Variants in TET3 observed in about 807,000 individuals in gnomAD.
TET3 encodes the protein tet methylcytosine dioxygenase 3, also known as methylcytosine dioxygenase TET3.
In TET3, 19 loss-of-function variants were observed where a neutral mutation model predicts 141.4. The observed-to-expected ratio is 0.13, with a 90% CI of 0.09 to 0.20. The LOEUF is 0.20. TET3 is among the 10% of genes least tolerant of loss of function. TET3 has a pLI of 1.00. For synonymous variants in TET3, 1,043 were observed against 980.9 expected, an observed-to-expected ratio of 1.06 and a Z score of -1.18; for missense variants, 1,874 against 2,356.9, an observed-to-expected ratio of 0.80 and a Z score of 4.24.
Position 74,101,554 on chromosome 2 carries a change from G to T in TET3, c.4766G>T (p.Ser1589Ile). The change falls in exon 12 of 12, where the codon AGC (serine) becomes ATC (isoleucine). Residue 1589 changes from serine (S) to isoleucine (I), a missense_variant. Ser to Ile is a moderately radical substitution (Grantham distance 142). Coordinates refer to ENST00000409262, the MANE Select transcript of TET3 (RefSeq NM_001287491.2). This position sits in a 1 kb window ranked among gnomAD's most constrained non-coding sequence, Gnocchi z 8.5. Reference sequence around the variant, plus strand: ...TCCTTTGGTCTGCCCCTGGGATCCAGCGAGAAGCTGTTTGGGGCTCTGAAG... The same window carrying T: ...TCCTTTGGTCTGCCCCTGGGATCCATCGAGAAGCTGTTTGGGGCTCTGAAG... ...WQSFGLPLGS[S>I]EKLFGALKSE... 1 of 1,609,306 alleles carries T rather than the reference G, an allele frequency of 6.2e-7. No homozygotes were observed. The highest frequency in any genetic ancestry group is 8.5e-7 in the Non-Finnish European group (1 of 1,177,678).
chr2:74,073,955 G>A (rs1689353921), intron 5 of TET3: 1 of 199,538 alleles, frequency 5.0e-6, no homozygotes, highest in South Asian at 1.4e-4. Context: ...TGGTATTGTG[G>A]TATCATTAAA....
intron 2 of TET3, among the ~76,000 whole-genome samples, chr2:73,987,621 C>T (rs1430649085): frequency 1.3e-5 from 2 of 152,218 alleles, no homozygotes; most frequent in Admixed American, 6.5e-5. Context: ...TCGCTCCAGG[C>T]AGTAGAACTG....
At chr2:74,089,644 T>C (rs1170003627) in intron 7 of TET3, among the ~76,000 whole-genome samples, 7 of 152,244 alleles carry the variant, frequency 4.6e-5, no homozygotes, top group Admixed American at 4.6e-4. Flanking sequence ...CGTAAACCCA[T>C]GTGCTACTCC....
chr2:74,016,796 T>C (rs1685752047), intron 3 of TET3, among the ~76,000 whole-genome samples: 1 of 151,630 alleles, frequency 6.6e-6, no homozygotes, highest in Non-Finnish European at 1.5e-5. Context: ...GTCTTTTTTT[T>C]TTTTTTTTTG....
intron 3 of TET3, among the ~76,000 whole-genome samples, chr2:74,042,994 C>A (rs1687424645): frequency 6.6e-6 from 1 of 152,206 alleles, no homozygotes; most frequent in Non-Finnish European, 1.5e-5. Flanking sequence ...CATCCTAGCC[C>A]TTCCTTGTTC....
chr2:74,061,308 T>A (rs1440139517), intron 4 of TET3, among the ~76,000 whole-genome samples: 4 of 119,584 alleles, frequency 3.3e-5, no homozygotes, highest in East Asian at 3.0e-4. Flanking sequence ...CACTTCCCAG[T>A]AGGGGCGGCC....
At chr2:74,084,861 G>T (rs1046520800) in intron 6 of TET3, among the ~76,000 whole-genome samples, 2 of 152,078 alleles carry the variant, frequency 1.3e-5, no homozygotes, top group African/African-American at 4.8e-5. Flanking sequence ...CCTGAGCCCA[G>T]GAGGCAGAGG....
intron 3 of TET3, among the ~76,000 whole-genome samples, chr2:74,018,281 T>A (rs1011042407): frequency 2.6e-5 from 4 of 151,756 alleles, no homozygotes; most frequent in African/African-American, 9.7e-5. Flanking sequence ...TCTGTCATCT[T>A]AAGTGAGAAA....
intron 4 of TET3, among the ~76,000 whole-genome samples, chr2:74,072,279 A>C (rs1022324406): frequency 2.0e-5 from 3 of 152,196 alleles, no homozygotes; most frequent in African/African-American, 7.2e-5. Flanking sequence ...TTGGGAGGCC[A>C]AGGTGAGTGG....
At chr2:74,118,517 A>G in the TET3 span, among the ~76,000 whole-genome samples, 3 of 152,224 alleles carry the variant, frequency 2.0e-5, no homozygotes, top group African/African-American at 7.2e-5. Context: ...TACAGTATAT[A>G]ATACATATAA....
the TET3 span, chr2:74,121,142 G>A: frequency 9.2e-5 from 14 of 152,232 alleles, no homozygotes; most frequent in East Asian, 1.9e-4. Context: ...TTTAAAAGTC[G>A]ATGTTGAAAA....
chr2:74,122,822 T>G, the TET3 span, among the ~76,000 whole-genome samples: 1 of 151,426 alleles, frequency 6.6e-6, no homozygotes, highest in Non-Finnish European at 1.5e-5. Flanking sequence ...CCTCCCAAAA[T>G]GCTGGGATTA....
At chr2:74,006,967 CTCTA>C (rs1378830923) in intron 3 of TET3, among the ~76,000 whole-genome samples, 1 of 152,192 alleles carries the variant, frequency 6.6e-6, no homozygotes, top group Non-Finnish European at 1.5e-5. Flanking sequence ...TTACCCCCAT[CTCTA>C]TCTATTTTCT....
At chr2:74,016,416 A>G (rs1053016294) in intron 3 of TET3, among the ~76,000 whole-genome samples, 1 of 152,132 alleles carries the variant, frequency 6.6e-6, no homozygotes, top group Non-Finnish European at 1.5e-5. Context: ...ATGCATTATG[A>G]TAAACATTAT....
chr2:74,131,348 T>G, the TET3 span, among the ~76,000 whole-genome samples: 19 of 152,218 alleles, frequency 1.2e-4, no homozygotes, highest in Admixed American at 2.6e-4. Context: ...CCGTTAGCCC[T>G]GAGCGCTCCA....
At chr2:74,076,173 C>T (rs1371573787) in intron 5 of TET3, among the ~76,000 whole-genome samples, 2 of 150,988 alleles carry the variant, frequency 1.3e-5, no homozygotes, top group Admixed American at 6.6e-5. Context: ...TTTTTTTTAC[C>T]CCCTGATTCT....
intron 3 of TET3, among the ~76,000 whole-genome samples, chr2:74,022,530 C>T (rs1321738365): frequency 2.7e-5 from 4 of 147,922 alleles, no homozygotes; most frequent in African/African-American, 7.5e-5. Flanking sequence ...TTTTTACATG[C>T]TTGTGTGATC....
At chr2:74,000,568 C>T (rs1003993730) in intron 2 of TET3, among the ~76,000 whole-genome samples, 1 of 152,118 alleles carries the variant, frequency 6.6e-6, no homozygotes, top group African/African-American at 2.4e-5. Flanking sequence ...GCAGAAGGAG[C>T]AGCACCGGGA....
At chr2:74,008,828 A>T (rs970934499) in intron 3 of TET3, among the ~76,000 whole-genome samples, 4 of 152,170 alleles carry the variant, frequency 2.6e-5, no homozygotes, top group Admixed American at 6.5e-5. Flanking sequence ...CATTCCAAGG[A>T]TAGGAAGATT....
Sources: gnomAD v4.1 joint callset for allele counts (sites outside exome capture counted in the v4.1 genomes callset) on GRCh38, gnomAD v4.1.1 for gene constraint, Gnocchi (gnomAD v3.1) non-coding constraint, MANE v1.5 for transcripts, NCBI Gene and HGNC (gene_info 2026-07-23, HGNC 2026-07-21) for gene names.